Variants in RIGI observed in about 807,000 individuals in gnomAD.
RIGI encodes antiviral innate immune response receptor RIG-I.
chr9:32,464,482 C>T, the RIGI span, among the ~76,000 whole-genome samples: 26 of 152,076 alleles, frequency 1.7e-4, no homozygotes, highest in Non-Finnish European at 3.4e-4. Flanking sequence ...CTCTGCCTCC[C>T]GGGTTCACGC....
At chr9:32,497,678 C>T in the RIGI span, among the ~76,000 whole-genome samples, 5 of 152,164 alleles carry the variant, frequency 3.3e-5, no homozygotes, top group Non-Finnish European at 2.9e-5. Flanking sequence ...ACCCAGGAGG[C>T]GGAGCTTGCA....
the RIGI span, among the ~76,000 whole-genome samples, chr9:32,515,662 A>G: frequency 1.3e-5 from 2 of 152,188 alleles, no homozygotes; most frequent in Non-Finnish European, 2.9e-5. Context: ...CCCTCTATTT[A>G]TTCCTGAGTC....
the RIGI span, among the ~76,000 whole-genome samples, chr9:32,480,533 C>T: frequency 6.6e-6 from 1 of 152,038 alleles, no homozygotes; most frequent in African/African-American, 2.4e-5. Flanking sequence ...ATCTTTGAAC[C>T]AAATACTGTT....
chr9:32,507,533 T>G, the RIGI span, among the ~76,000 whole-genome samples: 1 of 152,162 alleles, frequency 6.6e-6, no homozygotes, highest in Non-Finnish European at 1.5e-5. Context: ...GATATCTCAA[T>G]ACCTTTATCA....
At chr9:32,493,800 A>G in the RIGI span, 1 of 1,605,592 alleles carries the variant, frequency 6.2e-7, no homozygotes, top group Admixed American at 1.7e-5. Context: ...TTAAACATTC[A>G]GACAGATCAG....
chr9:32,459,128 C>T, the RIGI span, among the ~76,000 whole-genome samples: 1 of 147,754 alleles, frequency 6.8e-6, no homozygotes, highest in Non-Finnish European at 1.5e-5. Context: ...ACCTCGTGAT[C>T]GCCCACCTTG....
At chr9:32,487,584 T>C in the RIGI span, 6 of 1,614,174 alleles carry the variant, frequency 3.7e-6, no homozygotes, top group South Asian at 1.1e-5. Flanking sequence ...CAAGGCTTCA[T>C]CTGTGTTTTT....
the RIGI span, among the ~76,000 whole-genome samples, chr9:32,521,111 G>A: frequency 8.7e-6 from 1 of 114,328 alleles, no homozygotes; most frequent in Non-Finnish European, 1.7e-5. Flanking sequence ...CACCACTGTA[G>A]CCTGGGCAAC....
chr9:32,473,407 C>G, the RIGI span, among the ~76,000 whole-genome samples: 1 of 151,720 alleles, frequency 6.6e-6, no homozygotes, highest in African/African-American at 2.4e-5. Flanking sequence ...TTGCCTCAGC[C>G]TCCCGAGTAG....
At chr9:32,518,289 T>C in the RIGI span, among the ~76,000 whole-genome samples, 1 of 151,836 alleles carries the variant, frequency 6.6e-6, no homozygotes, top group African/African-American at 2.4e-5. Flanking sequence ...AGTATAAAGA[T>C]GTATTTTTGG....
At chr9:32,523,414 T>C in the RIGI span, among the ~76,000 whole-genome samples, 84 of 152,244 alleles carry the variant, frequency 5.5e-4, no homozygotes, top group African/African-American at 1.9e-3. Flanking sequence ...AAACCCAGCA[T>C]ACCTAAATCC....
the RIGI span, among the ~76,000 whole-genome samples, chr9:32,504,544 G>T: frequency 6.6e-6 from 1 of 151,702 alleles, no homozygotes; most frequent in African/African-American, 2.4e-5. Context: ...CGGGCATGGT[G>T]GCCAGTGCCT....
At chr9:32,522,653 C>T in the RIGI span, among the ~76,000 whole-genome samples, 1 of 152,256 alleles carries the variant, frequency 6.6e-6, no homozygotes, top group South Asian at 2.1e-4. Flanking sequence ...AGTAATGATA[C>T]AGATTGTGTC....
chr9:32,468,672 A>C, the RIGI span, among the ~76,000 whole-genome samples: 1 of 152,100 alleles, frequency 6.6e-6, no homozygotes, highest in South Asian at 2.1e-4. Context: ...TCTTAAAAAA[A>C]AAAAAGACAC....
the RIGI span, among the ~76,000 whole-genome samples, chr9:32,522,482 G>A: frequency 2.0e-5 from 3 of 152,166 alleles, no homozygotes; most frequent in Admixed American, 2.0e-4. Flanking sequence ...TGACTGAAAT[G>A]GCCTTGTGAG....
the RIGI span, chr9:32,491,426 T>A: frequency 6.3e-7 from 1 of 1,594,022 alleles, no homozygotes; most frequent in South Asian, 1.1e-5. Flanking sequence ...TATACCTTTT[T>A]AAGACCAAAA....
chr9:32,469,113 A>C, the RIGI span, among the ~76,000 whole-genome samples: 1 of 152,140 alleles, frequency 6.6e-6, no homozygotes, highest in Non-Finnish European at 1.5e-5. Context: ...ACAAGGAAGG[A>C]GCCTGGGTCC....
chr9:32,462,965 T>C, the RIGI span, among the ~76,000 whole-genome samples: 1 of 152,126 alleles, frequency 6.6e-6, no homozygotes, highest in African/African-American at 2.4e-5. Context: ...AAGACCAGCC[T>C]GGGCGACATA....
chr9:32,480,692 A>T, the RIGI span, among the ~76,000 whole-genome samples: 1 of 152,226 alleles, frequency 6.6e-6, no homozygotes, highest in Admixed American at 6.5e-5. Flanking sequence ...CTGCCTCATA[A>T]TTCCAACATT....
Sources: allele counts gnomAD v4.1 joint callset (sites outside exome capture counted in the v4.1 genomes callset), GRCh38; gene constraint gnomAD v4.1.1; transcripts MANE v1.5; gene names NCBI Gene and HGNC (gene_info 2026-07-23, HGNC 2026-07-21).